TIAM1: variants seen among roughly 807,000 people sequenced by gnomAD.
TIAM1 encodes TIAM Rac1 associated GEF 1, also known as rho guanine nucleotide exchange factor TIAM1.
In TIAM1, 65 loss-of-function variants were observed where a neutral mutation model predicts 163.5. The ratio of observed to expected loss-of-function variants is 0.40; its 90% CI spans 0.33 to 0.49. The LOEUF is 0.49. Ranked by LOEUF, TIAM1 falls within the 20% of genes least tolerant of loss-of-function variation. The probability of loss-of-function intolerance (pLI) is 0.77; values close to 1 mark genes in which losing one functional copy is unlikely to be tolerated. For synonymous variants in TIAM1, 833 were observed against 810.1 expected, an observed-to-expected ratio of 1.03 and a Z score of -0.48; for missense variants, 1,789 against 2,044.7, an observed-to-expected ratio of 0.87 and a Z score of 2.41.
rs1298776154 is a variant in TIAM1, at chr21:31,251,806, C to T, written c.1347G>A (p.Lys449=). Residue 449 remains lysine (K), a synonymous_variant, in exon 5 of 28, where the codon AAG becomes AAA. Coordinates refer to ENST00000541036, the MANE Select transcript of TIAM1 (RefSeq NM_001353694.2). ...ALAVKNFLVH[K]KNKKVESATR... The stretch of plus-strand genomic sequence containing the variant: ...TGGCTGACTCCACCTTCTTGTTCTT[C>T]TTGTGCACCAGGAAGTTCTTGACGG... The T allele has an allele frequency of 3.1e-6, 5 of 1,612,450 alleles. No homozygotes were observed. The African/African-American group carries it at 6.7e-5, about 22-fold the overall frequency.
At chr21:31,323,028 G>A (rs576253016) in intron 2 of TIAM1, among the ~76,000 whole-genome samples, 37 of 152,256 alleles carry the variant, frequency 2.4e-4, no homozygotes, top group African/African-American at 7.9e-4. Context: ...AGTGGCTCAC[G>A]CCTGTAATCC....
intron 2 of TIAM1, among the ~76,000 whole-genome samples, chr21:31,302,526 T>C (rs1311012526): frequency 2.6e-5 from 4 of 152,202 alleles, no homozygotes; most frequent in Admixed American, 2.0e-4. Context: ...AGCTGTTGTG[T>C]TGTTTAAGTT....
At chr21:31,527,021 C>T (rs892786388) in intron 1 of TIAM1, among the ~76,000 whole-genome samples, 1 of 152,086 alleles carries the variant, frequency 6.6e-6, no homozygotes, top group African/African-American at 2.4e-5. Context: ...ATACTCTTTC[C>T]TGATCTTCCA....
At chr21:31,547,979 AAAGG>A (rs770091380) in intron 1 of TIAM1, among the ~76,000 whole-genome samples, 41 of 152,144 alleles carry the variant, frequency 2.7e-4, no homozygotes, top group Non-Finnish European at 5.0e-4. Context: ...CTACTGTATA[AAAGG>A]AAGATACACT....
At chr21:31,485,267 C>G (rs2046235019) in intron 1 of TIAM1, among the ~76,000 whole-genome samples, 1 of 152,168 alleles carries the variant, frequency 6.6e-6, no homozygotes, top group Admixed American at 6.5e-5. Flanking sequence ...CACATTCCAA[C>G]TGGTCCCCAG....
intron 1 of TIAM1, among the ~76,000 whole-genome samples, chr21:31,471,740 G>A (rs907275415): frequency 6.6e-6 from 1 of 151,980 alleles, no homozygotes; most frequent in South Asian, 2.1e-4. Flanking sequence ...ATGGTGGTGC[G>A]TGCCTGTAAT....
At chr21:31,335,760 T>A (rs2075819057) in intron 2 of TIAM1, among the ~76,000 whole-genome samples, 1 of 152,118 alleles carries the variant, frequency 6.6e-6, no homozygotes, top group Admixed American at 6.5e-5. Flanking sequence ...AGAGTTAATA[T>A]GACCATTAGA....
At chr21:31,500,631 T>G (rs1446470064) in intron 1 of TIAM1, among the ~76,000 whole-genome samples, 2 of 152,108 alleles carry the variant, frequency 1.3e-5, no homozygotes, top group East Asian at 3.9e-4. Flanking sequence ...TCCAGTATGT[T>G]TAGCATCCTC....
At chr21:31,390,902 C>A (rs543916153) in intron 2 of TIAM1, among the ~76,000 whole-genome samples, 66 of 152,234 alleles carry the variant, frequency 4.3e-4, no homozygotes, top group African/African-American at 1.3e-3. Context: ...CAAAACCAGA[C>A]CAGTATTCAA....
rs17641890 is a variant in TIAM1, at chr21:31,246,792, T to C, written c.1412-1132A>G. On this transcript the variant is annotated intron_variant, in intron 5 of 27. Coordinates refer to ENST00000541036, the MANE Select transcript of TIAM1 (RefSeq NM_001353694.2). ...TGAACTCTACGTCCCTCCAAACAGA[T>C]GAATGTAGCATATTGATATGCCCTG... Among the ~76,000 whole-genome samples the C allele has an allele frequency of 8.3e-3, 1,269 of 152,338 alleles. 4 individuals carry two copies. Among genetic ancestry groups the C allele is most frequent in the Non-Finnish European group, 0.013 (909 of 68,036 alleles).
chr21:31,166,387 G>A (rs1292482513), intron 15 of TIAM1, among the ~76,000 whole-genome samples: 3 of 152,182 alleles, frequency 2.0e-5, no homozygotes, highest in East Asian at 1.9e-4. Flanking sequence ...CGTCTGCAAA[G>A]TGGCTACCTT....
chr21:31,541,997 T>C (rs1050996009), intron 1 of TIAM1, among the ~76,000 whole-genome samples: 2 of 152,218 alleles, frequency 1.3e-5, no homozygotes, highest in Non-Finnish European at 2.9e-5. Context: ...TCACTTTCCC[T>C]AAAACCAGTG....
chr21:31,224,744 A>T (rs2087838492), intron 7 of TIAM1, among the ~76,000 whole-genome samples: 1 of 152,222 alleles, frequency 6.6e-6, no homozygotes, highest in Non-Finnish European at 1.5e-5. Flanking sequence ...ATACAATGTC[A>T]GGTAACAAAG....
chr21:31,402,333 T>C (rs2077179824), intron 2 of TIAM1, among the ~76,000 whole-genome samples: 1 of 152,142 alleles, frequency 6.6e-6, no homozygotes. Context: ...AGCCATTTGG[T>C]AAGCAGTAAA....
At chr21:31,400,156 C>G (rs1423335603) in intron 2 of TIAM1, among the ~76,000 whole-genome samples, 2 of 151,358 alleles carry the variant, frequency 1.3e-5, no homozygotes, top group Non-Finnish European at 2.9e-5. Context: ...GAGACGGAGT[C>G]TAGCTCTGCC....
chr21:31,199,091 T>C (rs2086043942), intron 12 of TIAM1, among the ~76,000 whole-genome samples: 2 of 152,182 alleles, frequency 1.3e-5, no homozygotes, highest in Non-Finnish European at 2.9e-5. Flanking sequence ...CTTTCCCTGT[T>C]TTCAAAAACT....
At chr21:31,443,501 A>G (rs867098511) in intron 2 of TIAM1, among the ~76,000 whole-genome samples, 3 of 152,276 alleles carry the variant, frequency 2.0e-5, no homozygotes, top group Middle Eastern at 3.4e-3. Flanking sequence ...TATTCTTTCA[A>G]TGCATTCTCC....
At chr21:31,307,465 C>T (rs182018602) in intron 2 of TIAM1, among the ~76,000 whole-genome samples, 33 of 152,288 alleles carry the variant, frequency 2.2e-4, no homozygotes, top group Non-Finnish European at 4.3e-4. Flanking sequence ...AATAGGAATC[C>T]TTGTCAGGTC....
At chr21:31,188,154 T>C (rs2085386540) in intron 13 of TIAM1, among the ~76,000 whole-genome samples, 2 of 152,168 alleles carry the variant, frequency 1.3e-5, no homozygotes, top group Non-Finnish European at 2.9e-5. Context: ...GTTTTTTGTT[T>C]AGTTTACAGG....
Sources: gnomAD v4.1 joint callset for allele counts (sites outside exome capture counted in the v4.1 genomes callset) on GRCh38, gnomAD v4.1.1 for gene constraint, MANE v1.5 for transcripts, NCBI Gene and HGNC (gene_info 2026-07-23, HGNC 2026-07-21) for gene names.